The following SSH2 variants were observed in gnomAD, a reference collection of about 807,000 sequenced individuals.
SSH2 encodes slingshot protein phosphatase 2.
Under a neutral mutation model 135.2 loss-of-function variants are expected in SSH2, and 37 were observed. That is an observed-to-expected ratio of 0.27 (90% CI 0.21 to 0.36). The LOEUF (loss-of-function observed/expected upper bound fraction) is 0.36. Ranked by LOEUF, SSH2 falls within the 10% of genes least tolerant of loss-of-function variation. The pLI, the probability that SSH2 is intolerant of heterozygous loss-of-function variation, is 1.00. For missense variants in SSH2, 1,408 were observed against 1,765.3 expected, an observed-to-expected ratio of 0.80 and a Z score of 3.63; for synonymous variants, 628 against 646.2, an observed-to-expected ratio of 0.97 and a Z score of 0.43.
intron 1 of SSH2, among the ~76,000 whole-genome samples, chr17:29,869,693 T>C (rs2065908865): frequency 6.6e-6 from 1 of 152,174 alleles, no homozygotes; most frequent in South Asian, 2.1e-4. Flanking sequence ...CCCCTGATTA[T>C]TGCCAAAGAA....
At chr17:29,774,326 G>A (rs577076635) in intron 3 of SSH2, among the ~76,000 whole-genome samples, 27 of 151,864 alleles carry the variant, frequency 1.8e-4, no homozygotes, top group African/African-American at 5.8e-4. Context: ...GTGCAATGGC[G>A]GGATCTTGGC....
At chr17:29,886,704 G>C (rs1273380836) in intron 1 of SSH2, among the ~76,000 whole-genome samples, 1 of 147,238 alleles carries the variant, frequency 6.8e-6, no homozygotes, top group Non-Finnish European at 1.5e-5. Context: ...CCAAGATCAT[G>C]CCACTGCACT....
At chr17:29,827,716 T>C (rs918417678) in intron 2 of SSH2, among the ~76,000 whole-genome samples, 4 of 150,076 alleles carry the variant, frequency 2.7e-5, no homozygotes, top group African/African-American at 7.4e-5. Flanking sequence ...TTTTTGAAGC[T>C]GGAAAGGACA....
chr17:29,757,086 C>T (rs1246972294), intron 3 of SSH2, among the ~76,000 whole-genome samples: 2 of 152,152 alleles, frequency 1.3e-5, no homozygotes, highest in African/African-American at 4.8e-5. Flanking sequence ...TCAAGGTACT[C>T]CCTCCCCCAA....
chr17:29,843,061 T>C (rs1246707340), intron 2 of SSH2, among the ~76,000 whole-genome samples: 1 of 152,140 alleles, frequency 6.6e-6, no homozygotes, highest in East Asian at 1.9e-4. Flanking sequence ...ATACACATGG[T>C]ACAGATAGCA....
intron 4 of SSH2, among the ~76,000 whole-genome samples, chr17:29,697,203 T>G (rs1398311234): frequency 2.0e-5 from 3 of 152,170 alleles, no homozygotes; most frequent in African/African-American, 7.2e-5. Context: ...TGTACTATCA[T>G]AAATTATGAA....
intron 14 of SSH2, chr17:29,643,372 A>G (rs2036242949): frequency 1.7e-6 from 1 of 593,830 alleles, no homozygotes; most frequent in Non-Finnish European, 2.1e-6. Context: ...GGTTCAGGAA[A>G]TGTGGCACTT....
intron 1 of SSH2, among the ~76,000 whole-genome samples, chr17:29,872,734 C>T (rs1380223073): frequency 6.6e-6 from 1 of 152,176 alleles, no homozygotes; most frequent in African/African-American, 2.4e-5. Context: ...GGGTGGCTCA[C>T]GCCTGTAATT....
At chr17:29,755,512 T>C (rs2041085259) in intron 3 of SSH2, among the ~76,000 whole-genome samples, 1 of 152,074 alleles carries the variant, frequency 6.6e-6, no homozygotes, top group Non-Finnish European at 1.5e-5. Context: ...ATTTCACCTA[T>C]TATATATAAC....
At chr17:29,734,843 A>G (rs1174844317) in intron 3 of SSH2, among the ~76,000 whole-genome samples, 2 of 152,228 alleles carry the variant, frequency 1.3e-5, no homozygotes. Context: ...AAAGGGCTGC[A>G]TAATCCTTCT....
intron 2 of SSH2, among the ~76,000 whole-genome samples, chr17:29,828,369 TTAGA>T (rs2042782455): frequency 6.6e-6 from 1 of 152,202 alleles, no homozygotes; most frequent in Non-Finnish European, 1.5e-5. Flanking sequence ...CTGTGAACTT[TTAGA>T]ATAGATTCCC....
At chr17:29,909,983 T>A (rs577056566) in intron 1 of SSH2, among the ~76,000 whole-genome samples, 1 of 152,344 alleles carries the variant, frequency 6.6e-6, no homozygotes, top group South Asian at 2.1e-4. Context: ...TCTCACTCTG[T>A]CACCTAGGGT....
At chr17:29,789,901 A>G (rs555395663) in intron 3 of SSH2, among the ~76,000 whole-genome samples, 1 of 152,232 alleles carries the variant, frequency 6.6e-6, no homozygotes, top group South Asian at 2.1e-4. Context: ...AATCTATCCT[A>G]TGCTTACCTC....
intron 1 of SSH2, chr17:29,863,643 C>T (rs976623333): frequency 2.0e-5 from 3 of 152,160 alleles, no homozygotes; most frequent in Admixed American, 1.3e-4. Flanking sequence ...AACTCAGAAC[C>T]TTGACAACTG....
chr17:29,690,255 AT>A (rs1197851157), intron 5 of SSH2, among the ~76,000 whole-genome samples: 1 of 151,738 alleles, frequency 6.6e-6, no homozygotes, highest in Non-Finnish European at 1.5e-5. Context: ...AATACAAAAA[AT>A]TAGCCAGGCG....
chr17:29,889,371 GGGAGGCAGAGGT>G (rs1361963635), intron 1 of SSH2, among the ~76,000 whole-genome samples: 1 of 152,076 alleles, frequency 6.6e-6, no homozygotes, highest in Non-Finnish European at 1.5e-5. Context: ...GCTTGAACCT[GGGAGGCAGAGGT>G]TGCAGTGAGC....
Position 29,631,774 on chromosome 17 carries a change from T to C in SSH2, c.3420A>G (p.Thr1140=), listed in dbSNP as rs142827682. Residue 1140 remains threonine, a synonymous_variant, in exon 16 of 16, where the codon ACA becomes ACG. Coordinates refer to ENST00000540801, the MANE Select transcript of SSH2 (RefSeq NM_001282129.2). The part of the protein sequence containing the change: ...RGSSLSTALE[T]AAPFVSHTTH... ...TTGTATGACTGACAAAAGGTGCTGC[T>C]GTCTCCAGGGCTGTGGACAGGCTGC... is the stretch of plus-strand genomic sequence containing the variant. 5 of 1,614,110 alleles carry C rather than the reference T, an allele frequency of 3.1e-6. No homozygotes were observed. The African/African-American group carries it at 5.3e-5, about 17-fold the overall frequency.
chr17:29,799,562 C>A (rs1368244774), intron 2 of SSH2, among the ~76,000 whole-genome samples: 4 of 152,194 alleles, frequency 2.6e-5, no homozygotes, highest in African/African-American at 9.7e-5. Context: ...TGGGCTACTA[C>A]TAGTTTCATA....
intron 3 of SSH2, among the ~76,000 whole-genome samples, chr17:29,734,056 C>A (rs1015981677): frequency 1.3e-5 from 2 of 151,916 alleles, no homozygotes; most frequent in Non-Finnish European, 2.9e-5. Context: ...GCAGCTGGGA[C>A]TACAGGCGCC....
Sources: allele counts gnomAD v4.1 joint callset (sites outside exome capture counted in the v4.1 genomes callset), GRCh38; gene constraint gnomAD v4.1.1; transcripts MANE v1.5; gene names NCBI Gene and HGNC (gene_info 2026-07-23, HGNC 2026-07-21).